Variants in ZNF804B observed in about 807,000 individuals in gnomAD.
ZNF804B encodes zinc finger protein 804B.
ZNF804B carries 80 observed loss-of-function variants against 101.4 expected under a neutral mutation model. The ratio of observed to expected loss-of-function variants is 0.79; its 90% CI spans 0.66 to 0.95. The LOEUF is 0.95. Ranked by LOEUF, ZNF804B falls within the 40% of genes least tolerant of loss-of-function variation. The pLI is 0.00. For missense variants in ZNF804B, 1,673 were observed against 1,561.9 expected, an observed-to-expected ratio of 1.07 and a Z score of -1.20; for synonymous variants, 622 against 558.8, an observed-to-expected ratio of 1.11 and a Z score of -1.59.
At chr7:89,207,010 T>C (rs983777880) in intron 1 of ZNF804B, among the ~76,000 whole-genome samples, 1 of 152,216 alleles carries the variant, frequency 6.6e-6, no homozygotes, top group African/African-American at 2.4e-5. Context: ...CAGCCTGGGC[T>C]TTATTGTCCA....
intron 1 of ZNF804B, among the ~76,000 whole-genome samples, chr7:89,187,668 G>A (rs1488977907): frequency 2.6e-5 from 4 of 152,110 alleles, no homozygotes; most frequent in Non-Finnish European, 5.9e-5. Context: ...GTAAATCATT[G>A]TGGAAACTAG....
chr7:88,967,647 G>A (rs1793475772), intron 1 of ZNF804B, among the ~76,000 whole-genome samples: 1 of 143,424 alleles, frequency 7.0e-6, no homozygotes, highest in East Asian at 2.1e-4. Context: ...AGCAGCTGAT[G>A]AATAACAAAC....
intron 1 of ZNF804B, among the ~76,000 whole-genome samples, chr7:88,935,395 C>T (rs547309994): frequency 1.3e-5 from 2 of 149,878 alleles, no homozygotes; most frequent in South Asian, 2.1e-4. Context: ...AAGAATACAC[C>T]TTTTCTGGCC....
At chr7:89,181,847 T>A (rs1273799383) in intron 1 of ZNF804B, among the ~76,000 whole-genome samples, 1 of 152,204 alleles carries the variant, frequency 6.6e-6, no homozygotes, top group African/African-American at 2.4e-5. Context: ...TCACTGATCT[T>A]ATGATTTGTT....
chr7:88,791,610 T>G (rs1159970702), intron 1 of ZNF804B, among the ~76,000 whole-genome samples: 1 of 152,076 alleles, frequency 6.6e-6, no homozygotes, highest in Non-Finnish European at 1.5e-5. Flanking sequence ...TGCCAGGCAG[T>G]GTGTTGAATA....
chr7:88,957,173 G>A (rs193196678), intron 1 of ZNF804B, among the ~76,000 whole-genome samples: 31 of 151,436 alleles, frequency 2.0e-4, no homozygotes, highest in Middle Eastern at 3.4e-3. Context: ...GGCCCCTTTG[G>A]CGCTTTATGT....
chr7:89,009,148 T>G (rs1788414518), intron 1 of ZNF804B, among the ~76,000 whole-genome samples: 1 of 152,190 alleles, frequency 6.6e-6, no homozygotes, highest in African/African-American at 2.4e-5. Flanking sequence ...AGAATTCTTC[T>G]GCAATTTTTG....
At chr7:88,913,188 T>C (rs749172764) in intron 1 of ZNF804B, among the ~76,000 whole-genome samples, 1 of 152,200 alleles carries the variant, frequency 6.6e-6, no homozygotes, top group Non-Finnish European at 1.5e-5. Context: ...TTCACTTTGC[T>C]GTATGATTCC....
intron 1 of ZNF804B, chr7:88,794,863 C>A (rs748009547): frequency 6.2e-7 from 1 of 1,612,900 alleles, no homozygotes; most frequent in Non-Finnish European, 8.5e-7. Context: ...GTAATTGCTA[C>A]GTGGGACTTG....
chr7:88,767,809 A>G (rs1790006999), intron 1 of ZNF804B, among the ~76,000 whole-genome samples: 5 of 152,232 alleles, frequency 3.3e-5, no homozygotes, highest in Admixed American at 3.3e-4. Context: ...AGAGTTCTTG[A>G]CTATGACATG....
intron 1 of ZNF804B, among the ~76,000 whole-genome samples, chr7:88,822,343 T>C (rs1163922274): frequency 6.6e-6 from 1 of 152,186 alleles, no homozygotes; most frequent in African/African-American, 2.4e-5. Flanking sequence ...TAATCTTGGT[T>C]TCTTGTTTAT....
At chr7:88,806,102 A>C (rs1583947896) in intron 1 of ZNF804B, among the ~76,000 whole-genome samples, 1 of 152,104 alleles carries the variant, frequency 6.6e-6, no homozygotes, top group Non-Finnish European at 1.5e-5. Context: ...TTTCTATTTA[A>C]ATTTTTAAAT....
At chr7:89,194,887 T>C (rs1281057573) in intron 1 of ZNF804B, among the ~76,000 whole-genome samples, 1 of 152,110 alleles carries the variant, frequency 6.6e-6, no homozygotes, top group East Asian at 1.9e-4. Flanking sequence ...GCATTGAATC[T>C]ATAAATTACC....
At chr7:88,854,534 CCTTCCTTCCTTCCTT>C (rs1562812950) in intron 1 of ZNF804B, among the ~76,000 whole-genome samples, 4 of 57,996 alleles carry the variant, frequency 6.9e-5, no homozygotes, top group African/African-American at 3.6e-4. Flanking sequence ...TCCTTTCCTT[CCTTCCTTCCTTCCTT>C]CCTTCCTTCC....
In ZNF804B at chr7:88,833,991, T is replaced by A. The variant is rs1054474187; in HGVS notation, c.108+73907T>A. Among the ~76,000 whole-genome samples the A allele has an allele frequency of 2.0e-4, 31 of 151,804 alleles. No homozygotes were observed. In the Admixed American group the frequency reaches 2.0e-3, roughly 10 times the overall value. ...AAGAAAAAACAATTACAGAGAAAGC[T>A]CTTATCCAGAAATGGGGCTAGTTTT... On this transcript the variant is annotated intron_variant, in intron 1 of 3. Coordinates refer to ENST00000333190, the MANE Select transcript of ZNF804B (RefSeq NM_181646.5).
chr7:88,785,347 C>A (rs1356428264), intron 1 of ZNF804B, among the ~76,000 whole-genome samples: 1 of 152,074 alleles, frequency 6.6e-6, no homozygotes, highest in Non-Finnish European at 1.5e-5. Context: ...CTTTCCACCT[C>A]TTTCTATTCA....
chr7:88,832,630 T>A (rs1791149675), intron 1 of ZNF804B, among the ~76,000 whole-genome samples: 1 of 151,988 alleles, frequency 6.6e-6, no homozygotes, highest in Non-Finnish European at 1.5e-5. Context: ...GAAGAATTAT[T>A]GATATAAAAT....
intron 1 of ZNF804B, among the ~76,000 whole-genome samples, chr7:88,974,263 A>G (rs977084254): frequency 1.4e-5 from 2 of 146,658 alleles, no homozygotes; most frequent in South Asian, 4.3e-4. Context: ...AAAATATATC[A>G]GATATAAATA....
At chr7:89,236,571 G>T (rs73705783) in intron 2 of ZNF804B, among the ~76,000 whole-genome samples, 5,404 of 152,138 alleles carry the variant, frequency 0.036, 313 homozygotes, top group African/African-American at 0.12. Context: ...GTCATTTAGT[G>T]TAATTAGAAA....
Sources: gnomAD v4.1 joint callset for allele counts (sites outside exome capture counted in the v4.1 genomes callset) on GRCh38, gnomAD v4.1.1 for gene constraint, MANE v1.5 for transcripts, NCBI Gene and HGNC (gene_info 2026-07-23, HGNC 2026-07-21) for gene names.